WDHD1: variants seen among roughly 807,000 people sequenced by gnomAD.
WDHD1 encodes WD repeat and HMG-box DNA binding protein 1.
WDHD1 carries 111 observed loss-of-function variants against 135.4 expected under a neutral mutation model. That is an observed-to-expected ratio of 0.82 (90% CI 0.70 to 0.96). WDHD1 has a LOEUF of 0.96. WDHD1 is among the 40% of genes least tolerant of loss of function. The pLI is 0.00. For missense variants in WDHD1, 1,351 were observed against 1,336.3 expected, an observed-to-expected ratio of 1.01 and a Z score of -0.17; for synonymous variants, 434 against 439.0, an observed-to-expected ratio of 0.99 and a Z score of 0.14.
chr14:54,972,375 C>G (rs1362376337), intron 16 of WDHD1, among the ~76,000 whole-genome samples: 2 of 150,462 alleles, frequency 1.3e-5, no homozygotes, highest in Non-Finnish European at 3.0e-5. Context: ...GCCAGGAGCT[C>G]GAGACCAGCC....
chr14:55,027,067 C>G lies in WDHD1; in HGVS notation c.-56G>C, dbSNP rs1594605212. ...CTCCGCCACTGAGGATCCACAAGAGCTGCTTCCCGCGCTTCGGCTCGCTCA... is the reference window on the plus strand; with the variant it reads ...CTCCGCCACTGAGGATCCACAAGAGGTGCTTCCCGCGCTTCGGCTCGCTCA... On this transcript the variant is annotated 5_prime_UTR_variant, in exon 1 of 26. Coordinates refer to ENST00000360586, the MANE Select transcript of WDHD1 (RefSeq NM_007086.4). The G allele has an allele frequency of 2.4e-6, 1 of 422,732 alleles. No homozygotes were observed. Among genetic ancestry groups the G allele is most frequent in the African/African-American group, 2.0e-5 (1 of 50,386 alleles). The allele number at this position is 422,732 out of a possible 1,614,324, so 26.2% of individuals were successfully genotyped here.
At chr14:54,961,155 T>C (rs986299254) in intron 21 of WDHD1, among the ~76,000 whole-genome samples, 31 of 151,224 alleles carry the variant, frequency 2.0e-4, no homozygotes, top group African/African-American at 7.6e-4. Flanking sequence ...GCTATACCTC[T>C]GCTTAAAACC....
intron 23 of WDHD1, 75 bp downstream of exon 23, chr14:54,956,959 C>A: frequency 6.5e-7 from 1 of 1,529,492 alleles, no homozygotes; most frequent in Non-Finnish European, 8.8e-7. Context: ...TATCCTATAT[C>A]TGAAACAGTG....
At chr14:54,980,039 A>G (rs1048016895) in intron 16 of WDHD1, among the ~76,000 whole-genome samples, 9 of 152,236 alleles carry the variant, frequency 5.9e-5, no homozygotes, top group African/African-American at 2.2e-4. Context: ...TAAGTATACA[A>G]TTCAGCCAGG....
At chr14:54,963,402 G>T (rs1485007037) in intron 18 of WDHD1, among the ~76,000 whole-genome samples, 1 of 152,124 alleles carries the variant, frequency 6.6e-6, no homozygotes, top group African/African-American at 2.4e-5. Context: ...TGGCTTAAAT[G>T]AATAAAGTAA....
chr14:54,984,686 A>G (rs1363304537), intron 15 of WDHD1, 37 bp downstream of exon 15: 1 of 1,564,816 alleles, frequency 6.4e-7, no homozygotes, highest in Non-Finnish European at 8.6e-7. Flanking sequence ...CTAACACTTT[A>G]TATTATACTT....
chr14:54,959,799 C>CA (rs149194560), intron 21 of WDHD1, among the ~76,000 whole-genome samples: 1,718 of 151,498 alleles, frequency 0.011, 19 homozygotes, highest in African/African-American at 0.031. Flanking sequence ...CCCCACCAAA[C>CA]AAAAAAAACA....
At chr14:54,967,100 A>T (rs1174451696) in intron 17 of WDHD1, among the ~76,000 whole-genome samples, 180 bp downstream of exon 17, 4 of 152,234 alleles carry the variant, frequency 2.6e-5, no homozygotes, top group Non-Finnish European at 5.9e-5. Flanking sequence ...CCCTGGAAGC[A>T]GTGATGGCAA....
intron 8 of WDHD1, among the ~76,000 whole-genome samples, chr14:55,001,473 A>G (rs1343981772): frequency 1.3e-5 from 2 of 151,860 alleles, no homozygotes; most frequent in Non-Finnish European, 2.9e-5. Context: ...TTGTTGCCCA[A>G]GTTGGTTTCG....
chr14:54,996,710 AT>A (rs1415656622), intron 10 of WDHD1, among the ~76,000 whole-genome samples: 1 of 138,224 alleles, frequency 7.2e-6, no homozygotes, highest in Non-Finnish European at 1.5e-5. Flanking sequence ...TGTTAAGCCA[AT>A]GGAAATTTAT....
chr14:54,986,657 A>C (rs2041699584), intron 14 of WDHD1, among the ~76,000 whole-genome samples: 1 of 152,222 alleles, frequency 6.6e-6, no homozygotes, highest in Non-Finnish European at 1.5e-5. Flanking sequence ...ATGTCACAGA[A>C]GTCATGAGAA....
chr14:55,007,739 T>C (rs1309738907), intron 6 of WDHD1, among the ~76,000 whole-genome samples: 1 of 152,228 alleles, frequency 6.6e-6, no homozygotes, highest in African/African-American at 2.4e-5. Flanking sequence ...TTCTTTTAAA[T>C]AGCTCAAGAA....
chr14:54,972,369 G>C (rs1020010709), intron 16 of WDHD1, among the ~76,000 whole-genome samples: 1 of 151,290 alleles, frequency 6.6e-6, no homozygotes, highest in African/African-American at 2.4e-5. Context: ...CTTGAGGCCA[G>C]GAGCTCGAGA....
intron 18 of WDHD1, among the ~76,000 whole-genome samples, chr14:54,964,398 T>C (rs981200032): frequency 4.6e-5 from 7 of 152,128 alleles, no homozygotes; most frequent in African/African-American, 1.7e-4. Flanking sequence ...CCTAGCACTT[T>C]GGGAGACTGA....
chr14:55,001,081 T>A (rs2041973600), intron 8 of WDHD1, 89 bp from the exon 9 acceptor site: 1 of 915,442 alleles, frequency 1.1e-6, no homozygotes, highest in South Asian at 3.3e-5. Context: ...TTCTTTTCAT[T>A]TTTTTTCAAG....
At chr14:55,015,727 C>G (rs1236689054) in intron 2 of WDHD1, among the ~76,000 whole-genome samples, 2 of 148,218 alleles carry the variant, frequency 1.3e-5, no homozygotes, top group South Asian at 2.1e-4. Flanking sequence ...GAGACACAGT[C>G]TCACTCTGTC....
chr14:54,996,746 C>T (rs1042218244), intron 10 of WDHD1, among the ~76,000 whole-genome samples: 12 of 152,058 alleles, frequency 7.9e-5, no homozygotes, highest in African/African-American at 2.7e-4. Context: ...CTAATGAGAA[C>T]ACCATTAACA....
chr14:54,945,337 C>T (rs1376967638), intron 24 of WDHD1, among the ~76,000 whole-genome samples: 1 of 152,162 alleles, frequency 6.6e-6, no homozygotes, highest in Non-Finnish European at 1.5e-5. Flanking sequence ...TTACTGATCA[C>T]TTACTATCTA....
rs1371535548 is a variant in WDHD1 at position 54,991,390 on chromosome 14, C to T, written c.1164G>A (p.Met388Ile). 1 of 1,613,596 alleles carries T rather than the reference C, an allele frequency of 6.2e-7. No homozygotes were observed. Among genetic ancestry groups the T allele is most frequent in the East Asian group, 2.2e-5 (1 of 44,872 alleles). The stretch of plus-strand genomic sequence containing the variant: ...TGAGAAGACTAGAACCAGTTTTTAG[C>T]ATTGAAATATCTACAACACAAAGGA... ...EDDENSVDIS[M>I]LKTGSSLLKE... The change falls in exon 12 of 26, where the codon ATG becomes ATA. Residue 388 changes from methionine to isoleucine, a missense_variant. This residue lies in a region of WDHD1 where 1,330 missense variants were observed against 1,296.1 expected (regional missense o/e 1.03). Coordinates refer to ENST00000360586, the MANE Select transcript of WDHD1 (RefSeq NM_007086.4).
Sources: allele counts gnomAD v4.1 joint callset (sites outside exome capture counted in the v4.1 genomes callset), GRCh38; gene constraint gnomAD v4.1.1; regional missense constraint gnomAD v4.1.1; transcripts MANE v1.5; gene names NCBI Gene and HGNC (gene_info 2026-07-23, HGNC 2026-07-21).